FNTB: variants seen among roughly 807,000 people sequenced by gnomAD.
FNTB encodes farnesyltransferase, CAAX box, subunit beta.
Under a neutral mutation model 59.4 loss-of-function variants are expected in FNTB, and 27 were observed. That is an observed-to-expected ratio of 0.45 (90% confidence interval 0.34 to 0.63). FNTB has a LOEUF of 0.63. Ranked by LOEUF, FNTB falls within the 20% of genes least tolerant of loss-of-function variation. The pLI is 0.02. For synonymous variants in FNTB, 230 were observed against 220.7 expected (o/e 1.04, Z -0.37); for missense variants, 449 against 559.6 (o/e 0.80, Z 1.99).
chr14:65,061,281 A>G lies in FNTB; in HGVS notation c.1283A>G (p.Asp428Gly), dbSNP rs2139702381. ...GTCCCAGGTTTTGAGGAGCTTAAGG[A>G]TGAGACATCGGCAGAGCCTGCAACC... ...KPVPGFEELK[D>G]ETSAEPATD Residue 428 changes from aspartate (D) to glycine (G), a missense_variant, in exon 12 of 12, where the codon GAT becomes GGT. By Grantham distance (94) the Asp-to-Gly change is moderately conservative. This residue lies in a region of FNTB where 337 missense variants were observed against 479.1 expected (regional missense o/e 0.70). Coordinates refer to ENST00000246166, the MANE Select transcript of FNTB (RefSeq NM_002028.4). 6.2e-7 allele frequency: 1 copy of G among 1,614,098 alleles called. No homozygotes were observed. Among genetic ancestry groups the G allele is most frequent in the Non-Finnish European group, 8.5e-7 (1 of 1,180,016 alleles).
chr14:65,005,958 A>G (rs1171037102), intron 2 of FNTB, among the ~76,000 whole-genome samples: 1 of 152,082 alleles, frequency 6.6e-6, no homozygotes, highest in East Asian at 1.9e-4. Flanking sequence ...GACATCTCTG[A>G]ACAAAGTGTG....
rs1439447607 is a variant in FNTB, at chr14:65,032,479, C to T, written c.606-131C>T. ...CAGTTGGAGACCCAGGAGGACTGAC[C>T]GTGTGCCAAGAGTGAGGACAGGAGG... On this transcript the variant is annotated intron_variant, in intron 6 of 11. Coordinates refer to ENST00000246166, the MANE Select transcript of FNTB (RefSeq NM_002028.4). The surrounding 1 kb of genome is among the most constrained non-coding windows in gnomAD (Gnocchi z 5.0). 7 of 866,910 alleles carry T rather than the reference C, an allele frequency of 8.1e-6. No homozygotes were observed. Among genetic ancestry groups the T allele is most frequent in the East Asian group, 2.9e-5 (1 of 33,984 alleles). 53.7% of individuals were successfully genotyped at this position (866,910 alleles called of 1,614,324 possible).
intron 8 of FNTB, among the ~76,000 whole-genome samples, chr14:65,042,199 C>CG (rs1207782355): frequency 1.3e-5 from 2 of 151,104 alleles, no homozygotes; most frequent in African/African-American, 4.9e-5. Context: ...GGGGGTGGGA[C>CG]GGGGGGTGAT....
rs1007859957 is a variant in FNTB, at chr14:65,031,596, A to C, written c.606-1014A>C. Among the ~76,000 whole-genome samples, 1 of 151,834 alleles carries C rather than the reference A, an allele frequency of 6.6e-6. No individual in the cohort carries two copies. The highest frequency in any genetic ancestry group is 6.6e-5 in the Admixed American group (1 of 15,250). Reference sequence around the variant, plus strand: ...CTCCCAAAGTGCTGGGATTACAGGCATGAGCAACTGTGCCCAGCCTAATAA... The same window carrying C: ...CTCCCAAAGTGCTGGGATTACAGGCCTGAGCAACTGTGCCCAGCCTAATAA... On this transcript the variant is annotated intron_variant, in intron 6 of 11. Coordinates refer to ENST00000246166, the MANE Select transcript of FNTB (RefSeq NM_002028.4). This position sits in a 1 kb window ranked among gnomAD's most constrained non-coding sequence, Gnocchi z 4.6.
Position 65,061,290 on chromosome 14 carries a change from C to T in FNTB, c.1292C>T (p.Ser431Leu), listed in dbSNP as rs149796207. The change falls in exon 12 of 12, where the codon TCG becomes TTG. Residue 431 changes from serine (S) to leucine (L), a missense_variant. Ser to Leu is a moderately radical substitution (Grantham distance 145, BLOSUM62 -2). Transcript: ENST00000246166. ...TTTGAGGAGCTTAAGGATGAGACAT[C>T]GGCAGAGCCTGCAACCGACTAGAGG... Reference protein sequence around the residue: ...PGFEELKDETSAEPATD With the variant: ...PGFEELKDETLAEPATD 2,350 of 1,613,974 alleles carry T rather than the reference C, an allele frequency of 1.5e-3. 3 individuals carry two copies. Among genetic ancestry groups the T allele is most frequent in the Non-Finnish European group, 1.8e-3 (2,117 of 1,179,988 alleles).
rs1405402308 is a variant in FNTB, at chr14:65,028,490, A to G, written c.605+709A>G. ...GAGAAATACATTTTGTGAGGTTTCT[A>G]TAGCAAAGCTGTCTTACTGCCTATG... On this transcript the variant is annotated intron_variant, in intron 6 of 11. Transcript: ENST00000246166. The surrounding 1 kb of genome is among the most constrained non-coding windows in gnomAD (Gnocchi z 4.4). 1.3e-5 allele frequency among the ~76,000 whole-genome samples: 2 copies of G among 152,210 alleles called. No individual in the cohort carries two copies. Among genetic ancestry groups the G allele is most frequent in the Admixed American group, 6.5e-5 (1 of 15,278 alleles).
At position 65,027,573 on chromosome 14, in the gene FNTB, C is replaced by T. The variant is rs780656923; in HGVS notation, c.495C>T (p.Thr165=). 10 of 1,614,120 alleles carry T rather than the reference C, an allele frequency of 6.2e-6. No homozygotes were observed. The highest frequency in any genetic ancestry group is 3.3e-5 in the Admixed American group (2 of 60,012). ...TCAATGCATTGTGCATCATTGGCAC[C>T]GAGGAGGCCTATGACATCATTAACA... ...AAVNALCIIG[T]EEAYDIINRE... is the part of the protein sequence containing the mutation. Residue 165 remains threonine (T), a synonymous_variant, in exon 5 of 12, where the codon ACC becomes ACT. Transcript: ENST00000246166. This position sits in a 1 kb window ranked among gnomAD's most constrained non-coding sequence, Gnocchi z 5.7.
rs867073997 is a variant in FNTB, at chr14:65,009,318, A to C, written c.210-2999A>C. Among the ~76,000 whole-genome samples the C allele has an allele frequency of 6.6e-6, 1 of 152,054 alleles. No homozygotes were observed. Among genetic ancestry groups the C allele is most frequent in the Admixed American group, 6.6e-5 (1 of 15,262 alleles). On this transcript the variant is annotated intron_variant, in intron 2 of 11. Coordinates refer to ENST00000246166, the MANE Select transcript of FNTB (RefSeq NM_002028.4). The surrounding 1 kb of genome is among the most constrained non-coding windows in gnomAD (Gnocchi z 4.2). ...CCTGAGGCTGCTGACTGGCTTCACCAACATGTTATATTTCTTAATTTCACT... is the reference window on the plus strand; with the variant it reads ...CCTGAGGCTGCTGACTGGCTTCACCCACATGTTATATTTCTTAATTTCACT...
At chr14:65,038,253 AC>A (rs1327239598) in intron 7 of FNTB, among the ~76,000 whole-genome samples, 1 of 151,522 alleles carries the variant, frequency 6.6e-6, no homozygotes, top group African/African-American at 2.4e-5. Flanking sequence ...TACAAAATAT[AC>A]AAAACATTAG....
chr14:65,013,877 A>G (rs4899159), intron 3 of FNTB, among the ~76,000 whole-genome samples: 85,800 of 152,134 alleles, frequency 0.56, 24,811 homozygotes, highest in African/African-American at 0.69. Context: ...TTGTAACTAC[A>G]TGAGGTAGAT....
chr14:65,053,625 T>TAAAAAAAAACAAA (rs201558638), intron 10 of FNTB, among the ~76,000 whole-genome samples: 1 of 146,246 alleles, frequency 6.8e-6, no homozygotes, highest in African/African-American at 2.7e-5. Context: ...CTTCTTTTTT[T>TAAAAAAAAACAAA]TAAAAAAAAC....
intron 7 of FNTB, among the ~76,000 whole-genome samples, chr14:65,039,784 T>C (rs753503259): frequency 2.0e-4 from 30 of 152,244 alleles, no homozygotes; most frequent in Admixed American, 1.6e-3. Context: ...GGCCTAATTA[T>C]AATTTTTAAA....
intron 7 of FNTB, among the ~76,000 whole-genome samples, chr14:65,039,632 C>T (rs970786701): frequency 4.6e-5 from 7 of 152,074 alleles, no homozygotes; most frequent in Admixed American, 2.0e-4. Context: ...CTCTATTCTA[C>T]TAAGTCAGTT....
At chr14:65,036,447 G>C (rs879516205) in intron 7 of FNTB, among the ~76,000 whole-genome samples, 1 of 151,946 alleles carries the variant, frequency 6.6e-6, no homozygotes, top group Non-Finnish European at 1.5e-5. Flanking sequence ...ATGTTGCCCA[G>C]GCTGGTCTTA....
intron 1 of FNTB, among the ~76,000 whole-genome samples, chr14:64,998,596 T>C (rs554201308): frequency 6.6e-6 from 1 of 152,310 alleles, no homozygotes; most frequent in Admixed American, 6.5e-5. Flanking sequence ...TAATCAGGCA[T>C]TGATGCATGA....
At chr14:64,988,445 T>C (rs1287655336) in intron 1 of FNTB, among the ~76,000 whole-genome samples, 3 of 101,092 alleles carry the variant, frequency 3.0e-5, no homozygotes, top group Non-Finnish European at 6.0e-5. Flanking sequence ...GGGATTGCCT[T>C]TTTTTTTTTT....
Position 65,054,728 on chromosome 14 carries a change from G to C in FNTB, c.1182+39G>C, listed in dbSNP as rs781189594. On this transcript the variant is annotated intron_variant, in intron 11 of 11. Coordinates refer to ENST00000246166, the MANE Select transcript of FNTB (RefSeq NM_002028.4). The surrounding 1 kb of genome is among the most constrained non-coding windows in gnomAD (Gnocchi z 4.4). ...AGGGCTTCACACCCCTTCTCCACAG[G>C]GACCTCGCGGACAGAAGGCTTTCCA... The C allele has an allele frequency of 1.3e-6, 2 of 1,561,948 alleles. No individual in the cohort carries two copies. Among genetic ancestry groups the C allele is most frequent in the South Asian group, 2.3e-5 (2 of 85,740 alleles).
intron 4 of FNTB, among the ~76,000 whole-genome samples, chr14:65,024,750 A>G (rs1035141779): frequency 6.6e-6 from 1 of 152,008 alleles, no homozygotes; most frequent in Admixed American, 6.6e-5. Context: ...TCTTGTCTCT[A>G]TGATAAGTTT....
rs2061739133 is a variant in FNTB at position 65,014,745 on chromosome 14, T to C, written c.283-880T>C. On this transcript the variant is annotated intron_variant, in intron 3 of 11. Coordinates refer to ENST00000246166, the MANE Select transcript of FNTB (RefSeq NM_002028.4). The surrounding 1 kb of genome is among the most constrained non-coding windows in gnomAD (Gnocchi z 5.1). ...GGGAGGATTGCTTGAGCCCGGGAGG[T>C]TGAGGCTGCAGTGAGCTGAGATCAT... 6.6e-6 allele frequency among the ~76,000 whole-genome samples: 1 copy of C among 151,912 alleles called. No homozygotes were observed. The highest frequency in any genetic ancestry group is 2.4e-5 in the African/African-American group (1 of 41,352).
Sources: allele counts gnomAD v4.1 joint callset (sites outside exome capture counted in the v4.1 genomes callset), GRCh38; gene constraint gnomAD v4.1.1; regional missense constraint gnomAD v4.1.1; non-coding constraint Gnocchi (gnomAD v3.1); transcripts MANE v1.5; gene names NCBI Gene and HGNC (gene_info 2026-07-23, HGNC 2026-07-21).